Variants in HDAC4 observed in about 807,000 individuals in gnomAD.
HDAC4 encodes the protein histone deacetylase 4, also known as histone deacetylase A.
In HDAC4, 16 loss-of-function variants were observed where a neutral mutation model predicts 135.1. The ratio of observed to expected loss-of-function variants is 0.12; its 90% CI spans 0.08 to 0.18. HDAC4 has a LOEUF of 0.18. Ranked by LOEUF, HDAC4 falls within the 10% of genes least tolerant of loss-of-function variation. The pLI is 1.00. For synonymous variants in HDAC4, 685 were observed against 653.4 expected (o/e 1.05, Z -0.74); for missense variants, 1,143 against 1,511.8 (o/e 0.76, Z 4.05).
chr2:239,055,666 A>C (rs1273085869), intron 24 of HDAC4, among the ~76,000 whole-genome samples: 1 of 151,848 alleles, frequency 6.6e-6, no homozygotes, highest in Non-Finnish European at 1.5e-5. Context: ...GTAGTGAGCC[A>C]AGATTGTGCC....
At chr2:239,210,412 T>C (rs1410903373) in intron 3 of HDAC4, among the ~76,000 whole-genome samples, 1 of 152,192 alleles carries the variant, frequency 6.6e-6, no homozygotes, top group Non-Finnish European at 1.5e-5. Context: ...CCAAACCGTA[T>C]GCTGACTGAG....
chr2:239,330,966 C>CA (rs1480159815), intron 2 of HDAC4, among the ~76,000 whole-genome samples: 1 of 152,232 alleles, frequency 6.6e-6, no homozygotes, highest in Non-Finnish European at 1.5e-5. Context: ...CCCAGCCCCA[C>CA]ATGCCACGCT....
intron 7 of HDAC4, among the ~76,000 whole-genome samples, chr2:239,145,912 G>T (rs1021537969): frequency 6.6e-6 from 1 of 152,192 alleles, no homozygotes; most frequent in African/African-American, 2.4e-5. Flanking sequence ...AAAAGGCTTC[G>T]AGTCAGGGAC....
In HDAC4 at chr2:239,077,788, T is replaced by C. The variant is rs547296549; in HGVS notation, c.2750+3307A>G. Among the ~76,000 whole-genome samples, 268 of 152,266 alleles carry C rather than the reference T, an allele frequency of 1.8e-3. 2 individuals are homozygous for C. Among genetic ancestry groups the C allele is most frequent in the African/African-American group, 6.2e-3 (258 of 41,544 alleles). On this transcript the variant is annotated intron_variant, in intron 22 of 26. Coordinates refer to ENST00000543185, the MANE Select transcript of HDAC4 (RefSeq NM_001378414.1). ...GGCGCTGCGACTCCTAAAACACACC[T>C]GTCTACAAAAGGCAGCAACAGCAGC...
In HDAC4 at chr2:239,297,045, AAAAG is replaced by A. The variant is rs1431820746; in HGVS notation, c.22+55629_22+55632del. Among the ~76,000 whole-genome samples the A allele has an allele frequency of 2.5e-3, 377 of 149,396 alleles. 2 individuals carry two copies. The highest frequency in any genetic ancestry group is 8.9e-3 in the African/African-American group (352 of 39,774). ...TTTCATGTAAAAAAAAAAAAAAAAA[AAAAG>A]GAATTAAGTCTTATGCTGCTTCCTA... On this transcript the variant is annotated intron_variant, in intron 2 of 26. Coordinates refer to ENST00000543185, the MANE Select transcript of HDAC4 (RefSeq NM_001378414.1).
chr2:239,206,178 A>G (rs2046033340), intron 3 of HDAC4, among the ~76,000 whole-genome samples: 1 of 152,064 alleles, frequency 6.6e-6, no homozygotes, highest in African/African-American at 2.4e-5. Flanking sequence ...AGCTACAAAA[A>G]ATAGCCAAGT....
chr2:239,084,605 C>A (rs555869356), intron 19 of HDAC4, among the ~76,000 whole-genome samples: 118 of 150,326 alleles, frequency 7.8e-4, no homozygotes, highest in African/African-American at 2.8e-3. Flanking sequence ...ACACACACAC[C>A]CCCCACAGAC....
intron 1 of HDAC4, among the ~76,000 whole-genome samples, chr2:239,353,140 A>C (rs1693270096): frequency 6.6e-6 from 1 of 152,112 alleles, no homozygotes; most frequent in Non-Finnish European, 1.5e-5. Context: ...CAGCCTCCCG[A>C]GTAGCTGGGA....
At chr2:239,368,692 C>A (rs1031715783) in intron 1 of HDAC4, among the ~76,000 whole-genome samples, 5 of 152,152 alleles carry the variant, frequency 3.3e-5, no homozygotes, top group African/African-American at 1.2e-4. Context: ...AGGTGCCTCT[C>A]CTGCCCAGGT....
intron 2 of HDAC4, among the ~76,000 whole-genome samples, chr2:239,238,228 A>AT (rs1162480691): frequency 2.0e-5 from 3 of 152,206 alleles, no homozygotes; most frequent in African/African-American, 7.2e-5. Context: ...ATTTGTATTC[A>AT]TTTTTATAAT....
intron 3 of HDAC4, among the ~76,000 whole-genome samples, chr2:239,192,553 A>G (rs571180850): frequency 6.6e-6 from 1 of 152,248 alleles, no homozygotes; most frequent in South Asian, 2.1e-4. Context: ...CTTCTTGAAG[A>G]AGACTCAGCT....
intron 4 of HDAC4, among the ~76,000 whole-genome samples, chr2:239,181,290 G>C (rs533269026): frequency 1.3e-5 from 2 of 152,348 alleles, no homozygotes; most frequent in South Asian, 4.1e-4. Context: ...AGGGAGGAGA[G>C]GAGGGGCTGA....
Position 239,233,618 on chromosome 2 carries a change from C to T in HDAC4, c.94+2975G>A, listed in dbSNP as rs74747827. 6.5e-3 allele frequency among the ~76,000 whole-genome samples: 983 copies of T among 152,308 alleles called. 20 individuals are homozygous for T. The East Asian group carries it at 0.074, about 11-fold the overall frequency. On this transcript the variant is annotated intron_variant, in intron 3 of 26. Coordinates refer to ENST00000543185, the MANE Select transcript of HDAC4 (RefSeq NM_001378414.1). ...ACACGAATACATGGTATGAATAATG[C>T]TTTTCTGTTGGAAGTGGGAATTTAT...
At chr2:239,198,893 G>A (rs949059957) in intron 3 of HDAC4, among the ~76,000 whole-genome samples, 1 of 152,318 alleles carries the variant, frequency 6.6e-6, no homozygotes. Context: ...AGATGACAGG[G>A]AAGCAGGCCC....
chr2:239,223,362 C>T (rs1575452212), intron 3 of HDAC4, among the ~76,000 whole-genome samples: 1 of 152,206 alleles, frequency 6.6e-6, no homozygotes, highest in African/African-American at 2.4e-5. Context: ...GTACATTCCG[C>T]CGGGGCTTTC....
chr2:239,319,318 A>G (rs2053229689), intron 2 of HDAC4, among the ~76,000 whole-genome samples: 1 of 152,248 alleles, frequency 6.6e-6, no homozygotes, highest in Admixed American at 6.5e-5. Flanking sequence ...AGGAAGCCAC[A>G]CACACCCAGA....
intron 4 of HDAC4, among the ~76,000 whole-genome samples, chr2:239,182,089 C>T (rs621578): frequency 0.12 from 18,192 of 152,128 alleles, 1,390 homozygotes; most frequent in South Asian, 0.24. Flanking sequence ...CCTGGGGACC[C>T]GGAGCTGTGT....
chr2:239,094,468 A>G (rs72996181), intron 17 of HDAC4: 44,290 of 995,740 alleles, frequency 0.044, 1,105 homozygotes, highest in Middle Eastern at 0.063. Flanking sequence ...CCATATCATC[A>G]GTTCGTAGAA....
chr2:239,302,742 C>T (rs142138945), intron 2 of HDAC4, among the ~76,000 whole-genome samples: 146 of 152,382 alleles, frequency 9.6e-4, no homozygotes, highest in African/African-American at 3.2e-3. Flanking sequence ...CAGAGCGTTT[C>T]GTGGGCGCAC....
Sources: allele counts gnomAD v4.1 joint callset (sites outside exome capture counted in the v4.1 genomes callset), GRCh38; gene constraint gnomAD v4.1.1; transcripts MANE v1.5; gene names NCBI Gene and HGNC (gene_info 2026-07-23, HGNC 2026-07-21).